The following KCNH8 variants were observed in gnomAD, a reference collection of about 807,000 sequenced individuals.
KCNH8 encodes the protein potassium voltage-gated channel subfamily H member 8, also known as voltage-gated delayed rectifier potassium channel KCNH8.
KCNH8 carries 70 observed loss-of-function variants against 103.6 expected under a neutral mutation model. The observed-to-expected ratio is 0.68, with a 90% confidence interval of 0.56 to 0.82. The LOEUF (loss-of-function observed/expected upper bound fraction) is 0.82. KCNH8 is among the 40% of genes least tolerant of loss of function. KCNH8 has a pLI of 0.00. For synonymous variants in KCNH8, 498 were observed against 489.4 expected, an observed-to-expected ratio of 1.02 and a Z score of -0.23; for missense variants, 1,217 against 1,329.9, an observed-to-expected ratio of 0.92 and a Z score of 1.32.
chr3:19,395,222 T>G lies in KCNH8; in HGVS notation c.1088T>G (p.Phe363Cys). Residue 363 changes from phenylalanine (F) to cysteine (C), a missense_variant, in exon 7 of 16, where the codon TTT (phenylalanine) becomes TGT (cysteine). Physicochemically the swap from Phe to Cys is radical, Grantham distance 205. Coordinates refer to ENST00000328405, the MANE Select transcript of KCNH8 (RefSeq NM_144633.3). ...GTCCTGACTCTGCTCATGTCCATGT[T>G]TGCACTCCTTGCACACTGGATGGCG... is the stretch of plus-strand genomic sequence containing the variant. ...TIVLTLLMSMFALLAHWMACI... is the reference protein window; with the variant it reads ...TIVLTLLMSMCALLAHWMACI... 6.2e-7 allele frequency: 1 copy of G among 1,608,908 alleles called. No individual in the cohort carries two copies. The highest frequency in any genetic ancestry group is 8.5e-7 in the Non-Finnish European group (1 of 1,177,838).
chr3:19,525,455 T>A (rs929254442), intron 15 of KCNH8, among the ~76,000 whole-genome samples: 2 of 151,906 alleles, frequency 1.3e-5, no homozygotes, highest in Admixed American at 6.6e-5. Context: ...AAACTTTCAT[T>A]TGATGTTTAC....
intron 1 of KCNH8, among the ~76,000 whole-genome samples, chr3:19,194,831 C>T (rs900891842): frequency 1.3e-5 from 2 of 151,644 alleles, no homozygotes; most frequent in Non-Finnish European, 2.9e-5. Flanking sequence ...ATTTTAAATA[C>T]TAAGTGGTGT....
At chr3:19,375,629 C>G (rs1220006170) in intron 5 of KCNH8, among the ~76,000 whole-genome samples, 3 of 152,176 alleles carry the variant, frequency 2.0e-5, no homozygotes, top group Non-Finnish European at 4.4e-5. Flanking sequence ...CTCCATCCAG[C>G]TTTGTTCCGT....
intron 1 of KCNH8, among the ~76,000 whole-genome samples, chr3:19,187,887 G>T (rs2063517360): frequency 6.6e-6 from 1 of 151,790 alleles, no homozygotes; most frequent in South Asian, 2.1e-4. Flanking sequence ...TTCATGAATT[G>T]GGTACAGGTA....
intron 7 of KCNH8, among the ~76,000 whole-genome samples, chr3:19,415,125 T>C (rs1424788177): frequency 6.6e-6 from 1 of 151,996 alleles, no homozygotes; most frequent in Non-Finnish European, 1.5e-5. Flanking sequence ...CATTAACTTC[T>C]ATGTGAATAA....
intron 3 of KCNH8, among the ~76,000 whole-genome samples, chr3:19,324,389 A>G (rs1327240028): frequency 6.6e-6 from 1 of 152,178 alleles, no homozygotes; most frequent in East Asian, 1.9e-4. Context: ...AGGGACTTCC[A>G]AACACTTACA....
At chr3:19,420,841 T>A (rs2066940205) in intron 7 of KCNH8, among the ~76,000 whole-genome samples, 1 of 152,156 alleles carries the variant, frequency 6.6e-6, no homozygotes, top group Admixed American at 6.5e-5. Flanking sequence ...CTGGTATTAT[T>A]TTATTGGCAA....
At chr3:19,254,318 C>G (rs902412107) in intron 2 of KCNH8, among the ~76,000 whole-genome samples, 2 of 151,502 alleles carry the variant, frequency 1.3e-5, no homozygotes, top group Admixed American at 1.3e-4. Flanking sequence ...GTGTTCCCTG[C>G]AAAAAAGGAA....
At chr3:19,352,617 G>C (rs1035405407) in intron 5 of KCNH8, among the ~76,000 whole-genome samples, 9 of 151,986 alleles carry the variant, frequency 5.9e-5, no homozygotes, top group Non-Finnish European at 7.4e-5. Flanking sequence ...ACTGAACAAT[G>C]TGCTCCTGAA....
intron 1 of KCNH8, among the ~76,000 whole-genome samples, chr3:19,151,707 T>G (rs2063132087): frequency 6.6e-6 from 1 of 152,020 alleles, no homozygotes; most frequent in African/African-American, 2.4e-5. Flanking sequence ...ATTTTATAAC[T>G]TAGTGACACT....
At chr3:19,402,644 C>T (rs1207269742) in intron 7 of KCNH8, among the ~76,000 whole-genome samples, 2 of 151,828 alleles carry the variant, frequency 1.3e-5, no homozygotes, top group African/African-American at 4.8e-5. Context: ...TTCCTGTCTT[C>T]GTGTTCTCCA....
chr3:19,278,858 T>C (rs1432701427), intron 2 of KCNH8, among the ~76,000 whole-genome samples: 1 of 152,180 alleles, frequency 6.6e-6, no homozygotes, highest in East Asian at 1.9e-4. Flanking sequence ...CAGTGAATAT[T>C]GCCATATCAA....
At chr3:19,314,993 T>G (rs568659149) in intron 3 of KCNH8, 1 of 153,412 alleles carries the variant, frequency 6.5e-6, no homozygotes, top group South Asian at 2.0e-4. Context: ...TCTGGTGTAA[T>G]ACTTTAATAT....
chr3:19,190,831 T>C (rs1299435335), intron 1 of KCNH8, among the ~76,000 whole-genome samples: 1 of 151,934 alleles, frequency 6.6e-6, no homozygotes, highest in Non-Finnish European at 1.5e-5. Context: ...TTAAAATCCC[T>C]CAAACACGAA....
intron 11 of KCNH8, among the ~76,000 whole-genome samples, chr3:19,468,082 T>C (rs1478265423): frequency 1.3e-5 from 2 of 152,222 alleles, no homozygotes; most frequent in African/African-American, 4.8e-5. Context: ...AGTTATCCTC[T>C]GTTATATCAC....
chr3:19,209,265 C>T (rs2063746382), intron 1 of KCNH8, among the ~76,000 whole-genome samples: 1 of 151,944 alleles, frequency 6.6e-6, no homozygotes, highest in South Asian at 2.1e-4. Flanking sequence ...CAATGATTGC[C>T]CTCACATGCA....
At chr3:19,329,786 G>A (rs2065479674) in intron 3 of KCNH8, among the ~76,000 whole-genome samples, 1 of 151,994 alleles carries the variant, frequency 6.6e-6, no homozygotes, top group Non-Finnish European at 1.5e-5. Context: ...TTCCTCATTT[G>A]GAGGGAAAAA....
intron 6 of KCNH8, among the ~76,000 whole-genome samples, chr3:19,392,206 A>G (rs1214678979): frequency 1.3e-5 from 2 of 150,650 alleles, no homozygotes; most frequent in Non-Finnish European, 3.0e-5. Context: ...ATGTTTGATG[A>G]ATTTTAAATA....
chr3:19,198,995 A>C (rs2063630151), intron 1 of KCNH8, among the ~76,000 whole-genome samples: 1 of 152,092 alleles, frequency 6.6e-6, no homozygotes, highest in Non-Finnish European at 1.5e-5. Context: ...TCAGGTGAAC[A>C]GATGATAAAG....
Sources: allele counts gnomAD v4.1 joint callset (sites outside exome capture counted in the v4.1 genomes callset), GRCh38; gene constraint gnomAD v4.1.1; transcripts MANE v1.5; gene names NCBI Gene and HGNC (gene_info 2026-07-23, HGNC 2026-07-21).